TMEM132D: variants seen among roughly 807,000 people sequenced by gnomAD.
TMEM132D encodes the protein transmembrane protein 132D, also known as mature OL transmembrane protein.
In TMEM132D, 21 loss-of-function variants were observed where a neutral mutation model predicts 62.3. The observed-to-expected ratio is 0.34, with a 90% CI of 0.24 to 0.49. The LOEUF (loss-of-function observed/expected upper bound fraction) is 0.49. Ranked by LOEUF, TMEM132D falls within the 20% of genes least tolerant of loss-of-function variation. The pLI, the probability that TMEM132D is intolerant of heterozygous loss-of-function variation, is 0.99. For synonymous variants in TMEM132D, 621 were observed against 575.6 expected, an observed-to-expected ratio of 1.08 and a Z score of -1.13; for missense variants, 1,346 against 1,402.8, an observed-to-expected ratio of 0.96 and a Z score of 0.65.
intron 1 of TMEM132D, among the ~76,000 whole-genome samples, chr12:129,743,815 A>C (rs1277264898): frequency 6.6e-6 from 1 of 152,206 alleles, no homozygotes; most frequent in African/African-American, 2.4e-5. Flanking sequence ...CATCATAATG[A>C]TGAAGGCAGA....
intron 1 of TMEM132D, among the ~76,000 whole-genome samples, chr12:129,755,332 T>C (rs969939075): frequency 5.9e-5 from 9 of 152,236 alleles, no homozygotes; most frequent in African/African-American, 2.2e-4. Context: ...CATAAAATCT[T>C]TAACACATAC....
At chr12:129,239,047 T>C (rs1354516698) in intron 4 of TMEM132D, among the ~76,000 whole-genome samples, 1 of 150,562 alleles carries the variant, frequency 6.6e-6, no homozygotes, top group African/African-American at 2.5e-5. Flanking sequence ...TGAAGTAATA[T>C]CTCACTGTGG....
intron 3 of TMEM132D, among the ~76,000 whole-genome samples, chr12:129,405,950 T>C (rs914853996): frequency 6.6e-6 from 1 of 152,292 alleles, no homozygotes; most frequent in African/African-American, 2.4e-5. Context: ...TTTTAGATAA[T>C]AGCATGTTAG....
chr12:129,312,550 T>C (rs1882000985), intron 4 of TMEM132D, among the ~76,000 whole-genome samples: 2 of 152,210 alleles, frequency 1.3e-5, no homozygotes, highest in Middle Eastern at 3.2e-3. Context: ...TTTTTTAGAA[T>C]AGTTTTTTTT....
At chr12:129,570,997 C>G (rs769850296) in intron 2 of TMEM132D, among the ~76,000 whole-genome samples, 4 of 152,022 alleles carry the variant, frequency 2.6e-5, no homozygotes, top group Non-Finnish European at 5.9e-5. Context: ...TGTGAAGTCA[C>G]CAAGGAAGGG....
At chr12:129,743,446 G>C (rs776649025) in intron 1 of TMEM132D, among the ~76,000 whole-genome samples, 1 of 152,106 alleles carries the variant, frequency 6.6e-6, no homozygotes, top group Non-Finnish European at 1.5e-5. Flanking sequence ...TCTCCTTCCC[G>C]CCACCATGTG....
chr12:129,538,144 AT>A (rs1876456709), intron 2 of TMEM132D, among the ~76,000 whole-genome samples: 1 of 152,244 alleles, frequency 6.6e-6, no homozygotes, highest in African/African-American at 2.4e-5. Context: ...TATCTTCAGA[AT>A]GAATGAATGC....
intron 1 of TMEM132D, among the ~76,000 whole-genome samples, chr12:129,744,439 C>G (rs1393481705): frequency 2.6e-5 from 4 of 152,128 alleles, no homozygotes; most frequent in Non-Finnish European, 5.9e-5. Context: ...CTGGAGCAGA[C>G]AGTCTGAAAT....
chr12:129,083,268 A>G (rs528466110), intron 6 of TMEM132D, among the ~76,000 whole-genome samples: 13 of 152,230 alleles, frequency 8.5e-5, no homozygotes, highest in African/African-American at 2.9e-4. Flanking sequence ...CTGCTCCCTC[A>G]ACATCTGGTC....
At chr12:129,396,645 G>A (rs1457678331) in intron 3 of TMEM132D, among the ~76,000 whole-genome samples, 1 of 152,092 alleles carries the variant, frequency 6.6e-6, no homozygotes, top group Admixed American at 6.6e-5. Flanking sequence ...TTCCTTTGGT[G>A]GGGGCTTAGC....
chr12:129,102,253 C>T (rs1875334329), intron 5 of TMEM132D, among the ~76,000 whole-genome samples: 2 of 152,178 alleles, frequency 1.3e-5, no homozygotes, highest in African/African-American at 4.8e-5. Context: ...ACTCACTCTT[C>T]TCTTTCTGAG....
At chr12:129,756,670 G>T (rs1225179471) in intron 1 of TMEM132D, among the ~76,000 whole-genome samples, 1 of 152,154 alleles carries the variant, frequency 6.6e-6, no homozygotes, top group South Asian at 2.1e-4. Flanking sequence ...ATTAGTTAAG[G>T]TGGTAAATTA....
At chr12:129,513,930 C>T (rs1038407799) in intron 3 of TMEM132D, among the ~76,000 whole-genome samples, 60 of 151,704 alleles carry the variant, frequency 4.0e-4, no homozygotes, top group Admixed American at 1.7e-3. Context: ...CTCCGCCTCC[C>T]GGGTTTGTGC....
intron 2 of TMEM132D, among the ~76,000 whole-genome samples, chr12:129,594,277 C>T (rs1422242776): frequency 6.6e-5 from 10 of 152,166 alleles, no homozygotes; most frequent in East Asian, 1.9e-4. Flanking sequence ...TTCGCTTCCA[C>T]GTGATTTGTA....
chr12:129,894,225 C>CGT (rs1875027798), intron 1 of TMEM132D, among the ~76,000 whole-genome samples: 1 of 152,188 alleles, frequency 6.6e-6, no homozygotes, highest in African/African-American at 2.4e-5. Flanking sequence ...GGCAAGAGAG[C>CGT]GTGTGGAGGA....
intron 1 of TMEM132D, among the ~76,000 whole-genome samples, chr12:129,778,856 CCAT>C (rs1185927052): frequency 6.6e-6 from 1 of 152,124 alleles, no homozygotes; most frequent in African/African-American, 2.4e-5. Flanking sequence ...CTGGACTTTT[CCAT>C]CATCATTATA....
chr12:129,487,253 C>A (rs539505437), intron 3 of TMEM132D, among the ~76,000 whole-genome samples: 1 of 152,306 alleles, frequency 6.6e-6, no homozygotes, highest in African/African-American at 2.4e-5. Flanking sequence ...GGAGAAGCAG[C>A]CCCAGATGCC....
chr12:129,427,806 G>A (rs541470593), intron 3 of TMEM132D, among the ~76,000 whole-genome samples: 9 of 151,840 alleles, frequency 5.9e-5, no homozygotes, highest in East Asian at 3.9e-4. Context: ...TTAGGGTACC[G>A]CAATGCAATA....
intron 3 of TMEM132D, among the ~76,000 whole-genome samples, chr12:129,416,512 A>T (rs1029162910): frequency 8.6e-5 from 13 of 151,922 alleles, no homozygotes; most frequent in Admixed American, 2.6e-4. Flanking sequence ...AGACAATTTG[A>T]CCTCCTCTCT....
Sources: gnomAD v4.1 joint callset for allele counts (sites outside exome capture counted in the v4.1 genomes callset) on GRCh38, gnomAD v4.1.1 for gene constraint, MANE v1.5 for transcripts, NCBI Gene and HGNC (gene_info 2026-07-23, HGNC 2026-07-21) for gene names.